The following GPHN variants were observed in gnomAD, a reference collection of about 807,000 sequenced individuals.
GPHN encodes gephyrin.
GPHN carries 17 observed loss-of-function variants against 95.5 expected under a neutral mutation model. The observed-to-expected ratio is 0.18, with a 90% CI of 0.12 to 0.27. The LOEUF is 0.27. Ranked by LOEUF, GPHN falls within the 10% of genes least tolerant of loss-of-function variation. The pLI is 1.00. For synonymous variants in GPHN, 320 were observed against 322.5 expected, an observed-to-expected ratio of 0.99 and a Z score of 0.08; for missense variants, 660 against 978.1, an observed-to-expected ratio of 0.67 and a Z score of 4.34.
chr14:66,937,273 G>A (rs2067178136), intron 8 of GPHN, among the ~76,000 whole-genome samples: 1 of 152,212 alleles, frequency 6.6e-6, no homozygotes, highest in South Asian at 2.1e-4. Context: ...CAAAGTGTTA[G>A]CATTACAGGC....
At chr14:67,347,558 A>G in the GPHN span, 2 of 977,222 alleles carry the variant, frequency 2.0e-6, no homozygotes, top group South Asian at 3.0e-5. Context: ...CTGGAATGCA[A>G]TGGCGTGATC....
chr14:66,719,694 G>T (rs2070541221), intron 2 of GPHN, among the ~76,000 whole-genome samples: 1 of 152,134 alleles, frequency 6.6e-6, no homozygotes, highest in Non-Finnish European at 1.5e-5. Context: ...GCACAAATTT[G>T]TGAAAAACGT....
chr14:67,110,220 A>G lies in GPHN; in HGVS notation c.1374A>G (p.Val458=). ...APIPCGADAV[V]QVEDTELIRE... is the part of the protein sequence containing the mutation. ...TACCCTGCGGTGCTGATGCAGTAGT[A>G]CAAGTGGAAGATACCGAACTTATCA... is the stretch of plus-strand genomic sequence containing the variant. Residue 458 remains valine (V), a synonymous_variant, in exon 14 of 23, where the codon GTA becomes GTG. Transcript: ENST00000478722. 1 of 1,613,482 alleles carries G rather than the reference A, an allele frequency of 6.2e-7. No homozygotes were observed. Among genetic ancestry groups the G allele is most frequent in the Non-Finnish European group, 8.5e-7 (1 of 1,179,394 alleles).
At chr14:66,776,137 G>A (rs947835966) in intron 2 of GPHN, among the ~76,000 whole-genome samples, 8 of 152,112 alleles carry the variant, frequency 5.3e-5, no homozygotes, top group Non-Finnish European at 1.2e-4. Context: ...AGTCAAACAT[G>A]TTTGCTGTCA....
chr14:67,257,531 G>A, the GPHN span, among the ~76,000 whole-genome samples: 1 of 152,004 alleles, frequency 6.6e-6, no homozygotes, highest in Non-Finnish European at 1.5e-5. Flanking sequence ...ACAACTTGTG[G>A]AGAGAGGGAA....
At chr14:67,249,214 G>A in the GPHN span, among the ~76,000 whole-genome samples, 9 of 152,190 alleles carry the variant, frequency 5.9e-5, no homozygotes, top group East Asian at 1.9e-4. Flanking sequence ...TGCACGTCTC[G>A]GCCTCCCAAA....
chr14:67,502,578 G>A, the GPHN span, among the ~76,000 whole-genome samples: 1 of 148,186 alleles, frequency 6.7e-6, no homozygotes, highest in South Asian at 2.2e-4. Context: ...TTAGCCTCCT[G>A]AGTAGCTGGG....
At chr14:66,987,284 C>T (rs1458530047) in intron 9 of GPHN, among the ~76,000 whole-genome samples, 1 of 151,882 alleles carries the variant, frequency 6.6e-6, no homozygotes, top group Non-Finnish European at 1.5e-5. Flanking sequence ...AGGTACAGAA[C>T]GACATGACTT....
the GPHN span, among the ~76,000 whole-genome samples, chr14:67,535,222 C>T: frequency 5.3e-5 from 8 of 152,188 alleles, no homozygotes; most frequent in East Asian, 3.9e-4. Flanking sequence ...CAGTGGTTGC[C>T]GCTGGGGAGA....
At chr14:67,378,740 G>T in the GPHN span, among the ~76,000 whole-genome samples, 1 of 151,984 alleles carries the variant, frequency 6.6e-6, no homozygotes, top group Non-Finnish European at 1.5e-5. Flanking sequence ...CTCTTTTCTT[G>T]CTTCATTCAT....
intron 10 of GPHN, among the ~76,000 whole-genome samples, chr14:67,035,480 T>C (rs137950634): frequency 6.6e-6 from 1 of 151,786 alleles, no homozygotes; most frequent in African/African-American, 2.4e-5. Flanking sequence ...ACCAACAAAA[T>C]TGACAAACTC....
chr14:67,280,510 C>A, the GPHN span, among the ~76,000 whole-genome samples: 1 of 152,142 alleles, frequency 6.6e-6, no homozygotes, highest in Non-Finnish European at 1.5e-5. Context: ...ATCCTGTTAA[C>A]AGTACTCTGT....
At chr14:67,330,550 C>A in the GPHN span, among the ~76,000 whole-genome samples, 1 of 151,204 alleles carries the variant, frequency 6.6e-6, no homozygotes, top group Non-Finnish European at 1.5e-5. Context: ...CCTCTGCCTC[C>A]CGGGTTCAAG....
At chr14:67,703,595 T>A in the GPHN span, among the ~76,000 whole-genome samples, 1 of 152,156 alleles carries the variant, frequency 6.6e-6, no homozygotes, top group Non-Finnish European at 1.5e-5. Flanking sequence ...CCACTTGAGT[T>A]CTAATCTGTC....
the GPHN span, chr14:67,225,056 C>A: frequency 7.2e-7 from 1 of 1,381,216 alleles, no homozygotes; most frequent in Non-Finnish European, 9.6e-7. Context: ...TTTTTTCTTT[C>A]TCACTTCCTC....
intron 11 of GPHN, among the ~76,000 whole-genome samples, chr14:67,067,009 C>A (rs928247720): frequency 6.6e-6 from 1 of 152,154 alleles, no homozygotes; most frequent in African/African-American, 2.4e-5. Context: ...GGAGAAAAGG[C>A]GCTCTGGTTT....
the GPHN span, among the ~76,000 whole-genome samples, chr14:67,188,619 CAACAT>C: frequency 6.6e-6 from 1 of 152,146 alleles, no homozygotes; most frequent in Admixed American, 6.5e-5. Flanking sequence ...AGATGGCACT[CAACAT>C]AGAATAGGCG....
chr14:66,856,098 T>G (rs2062792445), intron 4 of GPHN, among the ~76,000 whole-genome samples: 1 of 152,122 alleles, frequency 6.6e-6, no homozygotes, highest in African/African-American at 2.4e-5. Context: ...ACTTTTTGAT[T>G]TAAAAAAAGT....
At chr14:67,589,922 G>T in the GPHN span, 1 of 1,300,104 alleles carries the variant, frequency 7.7e-7, no homozygotes, top group Non-Finnish European at 9.8e-7. Context: ...TACTGAGTTA[G>T]ATTTCCAGTC....
Sources: allele counts gnomAD v4.1 joint callset (sites outside exome capture counted in the v4.1 genomes callset), GRCh38; gene constraint gnomAD v4.1.1; transcripts MANE v1.5; gene names NCBI Gene and HGNC (gene_info 2026-07-23, HGNC 2026-07-21).